RPS6KA4: variants seen among roughly 807,000 people sequenced by gnomAD.
RPS6KA4 encodes the protein ribosomal protein S6 kinase A4.
Under a neutral mutation model 89.6 loss-of-function variants are expected in RPS6KA4, and 38 were observed. That is an observed-to-expected ratio of 0.42 (90% CI 0.33 to 0.56). RPS6KA4 has a LOEUF of 0.56. Among genes scored for constraint, RPS6KA4 ranks in the 20% least tolerant of loss-of-function variants. The pLI, the probability that RPS6KA4 is intolerant of heterozygous loss-of-function variation, is 0.07. For missense variants in RPS6KA4, 873 were observed against 1,098.8 expected, an observed-to-expected ratio of 0.79 and a Z score of 2.90; for synonymous variants, 495 against 492.8, an observed-to-expected ratio of 1.00 and a Z score of -0.06.
In RPS6KA4 at chr11:64,371,928, A is replaced by C; in HGVS notation, c.*448A>C. On this transcript the variant is annotated 3_prime_UTR_variant, in exon 17 of 17. Coordinates refer to ENST00000334205, the MANE Select transcript of RPS6KA4 (RefSeq NM_003942.3). ...ACTGTCTGTGCAATTACGTCCACCA[A>C]AGACCCGTGTTGGGGGTACTGAAGG... 1 of 154,070 alleles carries C rather than the reference A, an allele frequency of 6.5e-6. No individual in the cohort carries two copies. The allele number at this position is 154,070 out of a possible 1,614,324, so 9.5% of individuals were successfully genotyped here.
In RPS6KA4 at chr11:64,368,581, A is replaced by T. The variant is rs765415893; in HGVS notation, c.1314A>T (p.Ala438=). Residue 438 remains alanine (A), a synonymous_variant, in exon 11 of 17, where the codon GCA becomes GCT. Coordinates refer to ENST00000334205, the MANE Select transcript of RPS6KA4 (RefSeq NM_003942.3). The part of the protein sequence containing the change: ...CRQRQSGQEF[A]VKILSRRLEA... ...AGCGCCAGAGCGGCCAGGAGTTCGC[A>T]GTCAAGATCCTCAGTCGCAGGTGGG... 14 of 1,599,788 alleles carry T rather than the reference A, an allele frequency of 8.8e-6. No individual in the cohort carries two copies. The South Asian group carries it at 1.0e-4, about 12-fold the overall frequency.
chr11:64,360,269 G>A lies in RPS6KA4; in HGVS notation c.234G>A (p.Thr78=), dbSNP rs375617554. ...CGGCGCTGGTGCAGCGCGCCAAGAC[G>A]CAAGAGCACACGCGCACCGAGCGCT... The part of the protein sequence containing the change: ...RKAALVQRAK[T]QEHTRTERSV... Residue 78 remains threonine, a synonymous_variant, in exon 3 of 17, where the codon ACG becomes ACA. Transcript: ENST00000334205. 9 of 1,547,406 alleles carry A rather than the reference G, an allele frequency of 5.8e-6. No homozygotes were observed. In the African/African-American group the frequency reaches 9.6e-5, roughly 16 times the overall value.
At chr11:64,359,669 T>A in intron 2 of RPS6KA4, 1 of 581,094 alleles carries the variant, frequency 1.7e-6, no homozygotes, top group Non-Finnish European at 3.1e-6. Context: ...TGTGCGTGCA[T>A]ACCCCCCTGG....
At chr11:64,368,932 C>A (rs375377713) in intron 12 of RPS6KA4, 135 bp downstream of exon 12, 1 of 811,366 alleles carries the variant, frequency 1.2e-6, no homozygotes, top group Non-Finnish European at 1.9e-6. Context: ...ACCAGGGAGG[C>A]GCAGGGAGTG....
At chr11:64,366,661 C>T (rs2036892449) in intron 9 of RPS6KA4, among the ~76,000 whole-genome samples, 1 of 152,204 alleles carries the variant, frequency 6.6e-6, no homozygotes, top group Non-Finnish European at 1.5e-5. Flanking sequence ...TGCCTTTGCA[C>T]TTGCTGCTCC....
chr11:64,361,082 G>A lies in RPS6KA4; in HGVS notation c.463-52G>A. On this transcript the variant is annotated intron_variant, in intron 4 of 16. Transcript: ENST00000334205. This position sits in a 1 kb window ranked among gnomAD's most constrained non-coding sequence, Gnocchi z 4.7. ...CTGAGCAGGGCCAGGAGCTGGAGGA[G>A]CTGGGGAGGGTTTCGGGGAGGAAGC... 1 of 1,510,438 alleles carries A rather than the reference G, an allele frequency of 6.6e-7. No homozygotes were observed. The allele number at this position is 1,510,438 out of a possible 1,614,324, so 93.6% of individuals were successfully genotyped here. A position where few individuals can be genotyped will look rare whatever the true frequency, so the allele number is the denominator to read the frequency against.
At chr11:64,362,113 G>A in intron 8 of RPS6KA4, 111 bp downstream of exon 8, 1 of 1,322,504 alleles carries the variant, frequency 7.6e-7, no homozygotes, top group Non-Finnish European at 1.0e-6. Flanking sequence ...TCCCCCCAGA[G>A]AAAGAAAGCA....
intron 9 of RPS6KA4, 119 bp downstream of exon 9, chr11:64,365,584 C>T (rs2036859664): frequency 1.8e-6 from 2 of 1,110,678 alleles, no homozygotes; most frequent in Admixed American, 2.6e-5. Flanking sequence ...CTCAGCGTCT[C>T]CCCTAGACGT....
At position 64,370,517 on chromosome 11, in the gene RPS6KA4, GC is replaced by G; in HGVS notation, c.1958-44del. Reference sequence around the variant, plus strand: ...GCTGTTACGATCTCTTTGGGGCTCAGCCTTTACGCCAGGCTCCTCCCCACAC... The same window carrying G: ...GCTGTTACGATCTCTTTGGGGCTCAGCTTTACGCCAGGCTCCTCCCCACAC... On this transcript the variant is annotated intron_variant, in intron 15 of 16. Transcript: ENST00000334205. The surrounding 1 kb of genome is among the most constrained non-coding windows in gnomAD (Gnocchi z 4.1). 1 of 1,591,552 alleles carries G rather than the reference GC, an allele frequency of 6.3e-7. No individual in the cohort carries two copies. The highest frequency in any genetic ancestry group is 8.5e-7 in the Non-Finnish European group (1 of 1,170,846).
rs776277787 is a variant in RPS6KA4, at chr11:64,360,610, C to T, written c.462+18C>T. On this transcript the variant is annotated intron_variant, in intron 4 of 16. Transcript: ENST00000334205. ...TGCACAAGGTGGGTGAAGACCTGGC[C>T]GCAGGCTGTTGCTATGGAAACTGGG... is the stretch of plus-strand genomic sequence containing the variant. The T allele has an allele frequency of 5.1e-6, 8 of 1,573,862 alleles. No homozygotes were observed. The highest frequency in any genetic ancestry group is 1.4e-5 in the African/African-American group (1 of 73,890).
rs1246848729 is a variant in RPS6KA4, at chr11:64,361,114, A to T, written c.463-20A>T. The stretch of plus-strand genomic sequence containing the variant: ...AGGGTTTCGGGGAGGAAGCCTCAGC[A>T]CCCCTCTTGCTCCTACCAGCTCGGC... On this transcript the variant is annotated intron_variant, in intron 4 of 16. Transcript: ENST00000334205. The surrounding 1 kb of genome is among the most constrained non-coding windows in gnomAD (Gnocchi z 4.7). 1 of 1,606,826 alleles carries T rather than the reference A, an allele frequency of 6.2e-7. No individual in the cohort carries two copies. Among genetic ancestry groups the T allele is most frequent in the Admixed American group, 1.7e-5 (1 of 59,778 alleles).
intron 12 of RPS6KA4, 47 bp downstream of exon 12, chr11:64,368,844 G>T: frequency 1.3e-6 from 2 of 1,512,868 alleles, no homozygotes; most frequent in Non-Finnish European, 1.8e-6. Context: ...GGGGCAGGCG[G>T]CGGGGCTTGG....
Position 64,368,492 on chromosome 11 carries a change from G to C in RPS6KA4, c.1225G>C (p.Glu409Gln). Residue 409 changes from glutamate (E) to glutamine (Q), a missense_variant, in exon 11 of 17, where the codon GAG becomes CAG. Physicochemically the swap from Glu to Gln is conservative, Grantham distance 29. This residue lies in a region of RPS6KA4 where 542 missense variants were observed against 736.4 expected (regional missense o/e 0.74). Transcript: ENST00000334205. ...MQDSPFFQQY[E>Q]LDLREPALGQ... ...GGACTCGCCCTTCTTCCAGCAGTAC[G>C]AGCTGGACCTGCGGGAGCCTGCGCT... The C allele has an allele frequency of 6.4e-7, 1 of 1,558,072 alleles. No homozygotes were observed. The highest frequency in any genetic ancestry group is 8.7e-7 in the Non-Finnish European group (1 of 1,151,916).
At chr11:64,360,661 G>T (rs2036720830) in intron 4 of RPS6KA4, 69 bp downstream of exon 4, 6 of 1,366,710 alleles carry the variant, frequency 4.4e-6, no homozygotes, top group East Asian at 2.5e-5. Flanking sequence ...GAATCTGCAC[G>T]CAGGGCAGCC....
At chr11:64,368,016 C>T (rs1186354941) in intron 9 of RPS6KA4, 116 bp from the exon 10 acceptor site, 13 of 1,050,050 alleles carry the variant, frequency 1.2e-5, no homozygotes, top group Non-Finnish European at 1.8e-5. Flanking sequence ...AACTGGAACA[C>T]CCCCCACTGC....
chr11:64,362,821 C>A (rs920348446), intron 8 of RPS6KA4, among the ~76,000 whole-genome samples: 5 of 152,208 alleles, frequency 3.3e-5, no homozygotes, highest in Non-Finnish European at 5.9e-5. Context: ...CAGGCACAGG[C>A]CACCACGACT....
At position 64,361,557 on chromosome 11, in the gene RPS6KA4, G is replaced by A. The variant is rs1218232054; in HGVS notation, c.651+8G>A. 6.2e-7 allele frequency: 1 copy of A among 1,613,998 alleles called. No individual in the cohort carries two copies. Among genetic ancestry groups the A allele is most frequent in the Non-Finnish European group, 8.5e-7 (1 of 1,180,038 alleles). ...AAGACGGGGCATGGCAAGGTAGGTT[G>A]GCAGGGAAGTGGGGCTGGGGGAGGT... On this transcript the variant is annotated splice_region_variant and intron_variant, in intron 6 of 16. Transcript: ENST00000334205. The surrounding 1 kb of genome is among the most constrained non-coding windows in gnomAD (Gnocchi z 4.7).
intron 12 of RPS6KA4, 98 bp downstream of exon 12, chr11:64,368,895 C>T (rs2036969738): frequency 4.3e-6 from 5 of 1,176,250 alleles, no homozygotes; most frequent in Non-Finnish European, 6.0e-6. Context: ...TGGGCGGGGC[C>T]TAGCGTTTGA....
chr11:64,361,443 C>A lies in RPS6KA4; in HGVS notation c.571-26C>A, dbSNP rs1385481048. 2.5e-6 allele frequency: 4 copies of A among 1,613,152 alleles called. No homozygotes were observed. Among genetic ancestry groups the A allele is most frequent in the East Asian group, 2.2e-5 (1 of 44,878 alleles). ...TGGGGCACAGGAGAGGTTTCGACATCTAAGCAGGACCTCTTGCCCTCCCAG... is the reference window on the plus strand; with the variant it reads ...TGGGGCACAGGAGAGGTTTCGACATATAAGCAGGACCTCTTGCCCTCCCAG... On this transcript the variant is annotated intron_variant, in intron 5 of 16. Coordinates refer to ENST00000334205, the MANE Select transcript of RPS6KA4 (RefSeq NM_003942.3). This position sits in a 1 kb window ranked among gnomAD's most constrained non-coding sequence, Gnocchi z 4.7.
Sources: gnomAD v4.1 joint callset for allele counts (sites outside exome capture counted in the v4.1 genomes callset) on GRCh38, gnomAD v4.1.1 for gene constraint, gnomAD v4.1.1 regional missense constraint, Gnocchi (gnomAD v3.1) non-coding constraint, MANE v1.5 for transcripts, NCBI Gene and HGNC (gene_info 2026-07-23, HGNC 2026-07-21) for gene names.